Variants in DLX4 observed in about 807,000 individuals in gnomAD.
DLX4 encodes the protein homeobox protein DLX-4.
In DLX4, 13 loss-of-function variants were observed where a neutral mutation model predicts 17.1. The ratio of observed to expected loss-of-function variants is 0.76; its 90% CI spans 0.49 to 1.21. The LOEUF (loss-of-function observed/expected upper bound fraction) is 1.21, where lower values mean the gene tolerates loss of function less well. Among genes scored for constraint, DLX4 ranks in the 50% most tolerant of loss-of-function variants. The pLI, the probability that DLX4 is intolerant of heterozygous loss-of-function variation, is 0.00. For missense variants in DLX4, 297 were observed against 301.4 expected (o/e 0.99, Z 0.11); for synonymous variants, 129 against 140.3 (o/e 0.92, Z 0.57).
chr17:49,973,087 C>T lies in DLX4; in HGVS notation c.298C>T (p.Arg100Trp), dbSNP rs868538642. The change falls in exon 2 of 3, where the codon CGG becomes TGG. Residue 100 changes from arginine (R) to tryptophan (W), a missense_variant. Transcript: ENST00000240306. ...CTGCCCACCAGACTCGGAGAAGCCG[C>T]GGCTGTCCCCGGAACCCTCCGAGCG... ...QELEADSEKP[R>W]LSPEPSERRP... The T allele has an allele frequency of 2.5e-5, 41 of 1,613,962 alleles. No homozygotes were observed. Among genetic ancestry groups the T allele is most frequent in the East Asian group, 4.5e-5 (2 of 44,888 alleles).
At position 49,969,386 on chromosome 17, in the gene DLX4, C is replaced by G; in HGVS notation, c.-83C>G. The stretch of plus-strand genomic sequence containing the variant: ...TGGCTGGGGGGCCCGTCCGGCCCAA[C>G]GCCGGAGGCTTGGAAAAGAGAGTTG... On this transcript the variant is annotated 5_prime_UTR_variant, in exon 1 of 3. Transcript: ENST00000240306. 2 of 1,442,466 alleles carry G rather than the reference C, an allele frequency of 1.4e-6. No individual in the cohort carries two copies. The allele number at this position is 1,442,466 out of a possible 1,614,324, so 89.4% of individuals were successfully genotyped here.
At chr17:49,969,865 T>G in intron 1 of DLX4, 114 bp downstream of exon 1, 1 of 251,060 alleles carries the variant, frequency 4.0e-6, no homozygotes, top group Non-Finnish European at 5.7e-6. Flanking sequence ...TTCCTTGGAT[T>G]CCCTGGGATG....
In DLX4 at chr17:49,969,248, G is replaced by A. The variant is rs953352611; in HGVS notation, c.-221G>A. 2.4e-6 allele frequency: 1 copy of A among 416,988 alleles called. No homozygotes were observed. Among genetic ancestry groups the A allele is most frequent in the South Asian group, 6.3e-5 (1 of 15,984 alleles). 25.8% of individuals were successfully genotyped at this position (416,988 alleles called of 1,614,324 possible). ...AGGGGGCCCCCATGGATTTAGGGGG[G>A]GAGGGGAAAGTCATGGGGGGCACCC... is the stretch of plus-strand genomic sequence containing the variant. On this transcript the variant is annotated 5_prime_UTR_variant, in exon 1 of 3. Transcript: ENST00000240306.
chr17:49,972,043 A>T lies in DLX4; in HGVS notation c.284-1030A>T, dbSNP rs1271414854. ...CGAACGCTGCCCTAAGCGCCCGGGC[A>T]TTGCGGCTGCTCCATCCGCCCTACT... On this transcript the variant is annotated intron_variant, in intron 1 of 2. Coordinates refer to ENST00000240306, the MANE Select transcript of DLX4 (RefSeq NM_138281.3). This position sits in a 1 kb window ranked among gnomAD's most constrained non-coding sequence, Gnocchi z 5.4. 1 of 152,198 alleles carries T rather than the reference A, an allele frequency of 6.6e-6. No homozygotes were observed. Among genetic ancestry groups the T allele is most frequent in the Non-Finnish European group, 1.5e-5 (1 of 68,080 alleles). The allele number at this position is 152,198 out of a possible 1,614,324, so 9.4% of individuals were successfully genotyped here. A position where few individuals can be genotyped will look rare whatever the true frequency, so the allele number is the denominator to read the frequency against.
At chr17:49,973,679 C>T (rs758303999) in intron 2 of DLX4, 22 bp from the exon 3 acceptor site, 17 of 1,494,748 alleles carry the variant, frequency 1.1e-5, no homozygotes, top group Admixed American at 2.4e-5. Context: ...ATCTTTCATT[C>T]TTTCCCCTTT....
At position 49,969,314 on chromosome 17, in the gene DLX4, G is replaced by A; in HGVS notation, c.-155G>A. 3 of 855,720 alleles carry A rather than the reference G, an allele frequency of 3.5e-6. No individual in the cohort carries two copies. Among genetic ancestry groups the A allele is most frequent in the Non-Finnish European group, 5.0e-6 (3 of 595,034 alleles). The allele number at this position is 855,720 out of a possible 1,614,324, so 53.0% of individuals were successfully genotyped here. ...CCCAGGCGCGCGTTCTCCGCTGAAA[G>A]AGGCTCAGAGAGACACTTTCTCCGG... On this transcript the variant is annotated 5_prime_UTR_variant, in exon 1 of 3. Transcript: ENST00000240306.
Position 49,972,597 on chromosome 17 carries a change from A to G in DLX4, c.284-476A>G, listed in dbSNP as rs1905547493. 4.1e-6 allele frequency: 2 copies of G among 486,920 alleles called. No individual in the cohort carries two copies. The highest frequency in any genetic ancestry group is 5.5e-6 in the Non-Finnish European group (2 of 365,334). 30.2% of individuals were successfully genotyped at this position (486,920 alleles called of 1,614,324 possible). A position where few individuals can be genotyped will look rare whatever the true frequency, so the allele number is the denominator to read the frequency against. On this transcript the variant is annotated intron_variant, in intron 1 of 2. Coordinates refer to ENST00000240306, the MANE Select transcript of DLX4 (RefSeq NM_138281.3). This position sits in a 1 kb window ranked among gnomAD's most constrained non-coding sequence, Gnocchi z 5.4. ...CACCCACCCCGCTGGCCGCAGCCGG[A>G]GGCTGCCACGCGGACACCGTCTCAA...
At chr17:49,971,866 T>A (rs1905517705) in intron 1 of DLX4, 1 of 150,708 alleles carries the variant, frequency 6.6e-6, no homozygotes, top group Admixed American at 6.6e-5. Flanking sequence ...GCGGGGGAGG[T>A]GACGGCAGCT....
chr17:49,969,640 C>T lies in DLX4; in HGVS notation c.172C>T (p.Pro58Ser). Residue 58 changes from proline to serine, a missense_variant, in exon 1 of 3, where the codon CCC becomes TCC. Pro to Ser is a moderately conservative substitution (Grantham distance 74). Coordinates refer to ENST00000240306, the MANE Select transcript of DLX4 (RefSeq NM_138281.3). ...SRPYGHLLSY[P>S]YTEPANPGDS... is the part of the protein sequence containing the mutation. ...GCCGTATGGCCACCTCCTGTCTTAC[C>T]CCTACACCGAGCCAGCGAACCCCGG... is the stretch of plus-strand genomic sequence containing the variant. 2 of 1,612,296 alleles carry T rather than the reference C, an allele frequency of 1.2e-6. No homozygotes were observed. Among genetic ancestry groups the T allele is most frequent in the Non-Finnish European group, 1.7e-6 (2 of 1,179,988 alleles).
chr17:49,970,221 C>T (rs1236520020), intron 1 of DLX4, among the ~76,000 whole-genome samples: 1 of 152,170 alleles, frequency 6.6e-6, no homozygotes, highest in East Asian at 1.9e-4. Context: ...CAGATCAAGT[C>T]CTGGTAGGAG....
In DLX4 at chr17:49,972,901, C is replaced by A. The variant is rs1905560072; in HGVS notation, c.284-172C>A. On this transcript the variant is annotated intron_variant, in intron 1 of 2. Coordinates refer to ENST00000240306, the MANE Select transcript of DLX4 (RefSeq NM_138281.3). This position sits in a 1 kb window ranked among gnomAD's most constrained non-coding sequence, Gnocchi z 5.4. The stretch of plus-strand genomic sequence containing the variant: ...GGCGCGGTGAACGTGGGGGTTGAAA[C>A]GCTCCACGCGGAAGGTAGAGGGCAG... 6.9e-7 allele frequency: 1 copy of A among 1,452,644 alleles called. No individual in the cohort carries two copies. Among genetic ancestry groups the A allele is most frequent in the Non-Finnish European group, 9.1e-7 (1 of 1,099,336 alleles). The allele number at this position is 1,452,644 out of a possible 1,614,324, so 90.0% of individuals were successfully genotyped here.
At chr17:49,971,622 C>G (rs1008935243) in intron 1 of DLX4, among the ~76,000 whole-genome samples, 1 of 152,110 alleles carries the variant, frequency 6.6e-6, no homozygotes, top group African/African-American at 2.4e-5. Flanking sequence ...GCAACCGGGT[C>G]GGCCTCAGAG....
intron 2 of DLX4, 187 bp downstream of exon 2, chr17:49,973,456 G>A: frequency 2.8e-6 from 3 of 1,070,694 alleles, no homozygotes; most frequent in Non-Finnish European, 4.1e-6. Flanking sequence ...GTGCATGTAT[G>A]TGCGGGTGGG....
Position 49,972,181 on chromosome 17 carries a change from C to CTAG in DLX4, c.284-891_284-889dup, listed in dbSNP as rs926284827. 2 of 152,484 alleles carry CTAG rather than the reference C, an allele frequency of 1.3e-5. No homozygotes were observed. Among genetic ancestry groups the CTAG allele is most frequent in the African/African-American group, 4.8e-5 (2 of 41,450 alleles). 9.4% of individuals were successfully genotyped at this position (152,484 alleles called of 1,614,324 possible). The stretch of plus-strand genomic sequence containing the variant: ...CAACCCTCCCCTGTCCCTCAGCATT[C>CTAG]TAGGGCTGGGCTGTCCCGCGGCCGA... On this transcript the variant is annotated intron_variant, in intron 1 of 2. Coordinates refer to ENST00000240306, the MANE Select transcript of DLX4 (RefSeq NM_138281.3). This position sits in a 1 kb window ranked among gnomAD's most constrained non-coding sequence, Gnocchi z 5.4.
intron 1 of DLX4, chr17:49,971,979 T>C (rs1905522032): frequency 6.6e-6 from 1 of 152,230 alleles, no homozygotes; most frequent in Admixed American, 6.5e-5. Context: ...CCGCTCTCTC[T>C]CGGCTCAGGT....
intron 1 of DLX4, among the ~76,000 whole-genome samples, chr17:49,970,139 C>T (rs1811329): frequency 0.66 from 100,018 of 152,020 alleles, 34,295 homozygotes; most frequent in Admixed American, 0.79. Flanking sequence ...GTACTCCCTT[C>T]CTGCCCCATT....
At position 49,974,447 on chromosome 17, in the gene DLX4, C is replaced by T. The variant is rs1427355349; in HGVS notation, c.*504C>T. On this transcript the variant is annotated 3_prime_UTR_variant, in exon 3 of 3. Coordinates refer to ENST00000240306, the MANE Select transcript of DLX4 (RefSeq NM_138281.3). ...AGCAGAAGTGGACCACCATCAGCTC[C>T]CACCCACCCAGCGATTTTTCCTTGG... The T allele has an allele frequency of 6.6e-6, 1 of 152,144 alleles. No homozygotes were observed. Among genetic ancestry groups the T allele is most frequent in the Non-Finnish European group, 1.5e-5 (1 of 68,088 alleles). The allele number at this position is 152,144 out of a possible 1,614,324, so 9.4% of individuals were successfully genotyped here.
At chr17:49,969,188 C>T (rs948464189), upstream of DLX4, 1 of 347,290 alleles carries the variant, frequency 2.9e-6, no homozygotes, top group Non-Finnish European at 5.2e-6. Context: ...GGCGGGGCCC[C>T]CGTCGGGTCC....
In DLX4 at chr17:49,973,853, G is replaced by T; in HGVS notation, c.633G>T (p.Gly211=). The T allele has an allele frequency of 1.2e-6, 2 of 1,612,658 alleles. No individual in the cohort carries two copies. Among genetic ancestry groups the T allele is most frequent in the Non-Finnish European group, 1.7e-6 (2 of 1,179,384 alleles). Residue 211 remains glycine, a synonymous_variant, in exon 3 of 3, where the codon GGG becomes GGT. Coordinates refer to ENST00000240306, the MANE Select transcript of DLX4 (RefSeq NM_138281.3). ...LPSLWDLPKA[G]TLPTSGYGNS... ...CCCTCTGGGATCTACCCAAGGCAGG[G>T]ACCCTGCCCACCAGTGGCTATGGCA...
Sources: gnomAD v4.1 joint callset for allele counts (sites outside exome capture counted in the v4.1 genomes callset) on GRCh38, gnomAD v4.1.1 for gene constraint, Gnocchi (gnomAD v3.1) non-coding constraint, MANE v1.5 for transcripts, NCBI Gene and HGNC (gene_info 2026-07-23, HGNC 2026-07-21) for gene names.